Variants in AKIP1 observed in about 807,000 individuals in gnomAD.
AKIP1 encodes the protein A-kinase-interacting protein 1.
A neutral mutation model predicts 22.3 loss-of-function variants in AKIP1; 18 were observed. The observed-to-expected ratio is 0.81, with a 90% confidence interval of 0.56 to 1.19. The LOEUF is 1.19. AKIP1 is among the 50% of genes most tolerant of loss of function. The pLI is 0.00. For missense variants in AKIP1, 287 were observed against 264.6 expected (o/e 1.08, Z -0.59); for synonymous variants, 120 against 102.7 (o/e 1.17, Z -1.02).
At chr11:8,916,342 A>G (rs774610619) in intron 4 of AKIP1, among the ~76,000 whole-genome samples, 1 of 152,222 alleles carries the variant, frequency 6.6e-6, no homozygotes, top group African/African-American at 2.4e-5. Context: ...TGTAAAGGTA[A>G]TAACAGTTAC....
At chr11:8,912,109 A>C (rs902621985) in intron 2 of AKIP1, among the ~76,000 whole-genome samples, 2 of 150,746 alleles carry the variant, frequency 1.3e-5, no homozygotes, top group African/African-American at 4.9e-5. Context: ...AGGCAGGAGA[A>C]TCGCTTGAAC....
In AKIP1 at chr11:8,912,436, G is replaced by C. The variant is rs1229729397; in HGVS notation, c.223-17G>C. The C allele has an allele frequency of 1.2e-6, 2 of 1,603,924 alleles. No individual in the cohort carries two copies. Among genetic ancestry groups the C allele is most frequent in the Non-Finnish European group, 1.7e-6 (2 of 1,170,860 alleles). ...GAATCCTAGAGCTAACCTGTGACGT[G>C]CCATTTATTCAAATAGAGAGAAGAG... On this transcript the variant is annotated splice_polypyrimidine_tract_variant and intron_variant, in intron 2 of 5. Coordinates refer to ENST00000309377, the MANE Select transcript of AKIP1 (RefSeq NM_020642.4).
intron 4 of AKIP1, among the ~76,000 whole-genome samples, chr11:8,915,358 C>CTTTTTTT (rs559350653): frequency 2.4e-5 from 2 of 83,982 alleles, no homozygotes; most frequent in African/African-American, 9.0e-5. Flanking sequence ...TTTTTTTTTT[C>CTTTTTTT]TTTTTTTTTT....
chr11:8,913,684 C>T (rs1481183139), intron 3 of AKIP1, among the ~76,000 whole-genome samples: 2 of 152,182 alleles, frequency 1.3e-5, no homozygotes, highest in Admixed American at 6.5e-5. Flanking sequence ...TGTTTCTGCC[C>T]TGCTTTTCAG....
chr11:8,919,337 G>T lies in AKIP1; in HGVS notation c.490G>T (p.Ala164Ser), dbSNP rs1454186802. 2 of 1,611,588 alleles carry T rather than the reference G, an allele frequency of 1.2e-6. No individual in the cohort carries two copies. Among genetic ancestry groups the T allele is most frequent in the South Asian group, 2.2e-5 (2 of 90,416 alleles). The change falls in exon 6 of 6, where the codon GCT (alanine) becomes TCT (serine). Residue 164 changes from alanine (A) to serine (S), a missense_variant and splice_region_variant. Transcript: ENST00000309377. ...SEHAPEASQP[A>S]ENISKDLYIE... ...TGCTAATATCCTCTTTTCCTTCTAG[G>T]CTGAGAACATCTCTAAGGACCTCTA...
chr11:8,911,690 G>C lies in AKIP1; in HGVS notation c.222+19G>C, dbSNP rs1311321556. 2 of 1,494,358 alleles carry C rather than the reference G, an allele frequency of 1.3e-6. No individual in the cohort carries two copies. Among genetic ancestry groups the C allele is most frequent in the Non-Finnish European group, 1.8e-6 (2 of 1,123,374 alleles). 92.6% of individuals were successfully genotyped at this position (1,494,358 alleles called of 1,614,324 possible). A position where few individuals can be genotyped will look rare whatever the true frequency, so the allele number is the denominator to read the frequency against. On this transcript the variant is annotated intron_variant, in intron 2 of 5. Coordinates refer to ENST00000309377, the MANE Select transcript of AKIP1 (RefSeq NM_020642.4). ...GGGAGAGGTGAGGGTCGCTGTGCCG[G>C]GGGCCGCCCCAGTCCTTCGCGCCGC...
intron 5 of AKIP1, chr11:8,917,633 A>G (rs1372779076): frequency 2.0e-6 from 1 of 508,268 alleles, no homozygotes; most frequent in Non-Finnish European, 3.5e-6. Context: ...TTCACCTCTC[A>G]GTTCCTACAG....
chr11:8,917,207 A>G (rs1351493279), intron 4 of AKIP1, 80 bp from the exon 5 acceptor site: 5 of 900,202 alleles, frequency 5.6e-6, no homozygotes, highest in South Asian at 4.5e-5. Flanking sequence ...ACTAACTCCT[A>G]ATAAGGTAGA....
At chr11:8,914,774 A>G (rs564656115) in intron 3 of AKIP1, 52 bp from the exon 4 acceptor site, 2 of 1,469,086 alleles carry the variant, frequency 1.4e-6, no homozygotes, top group East Asian at 4.5e-5. Flanking sequence ...GGTTTTTTGA[A>G]AATTTGACAA....
rs1392752224 is a variant in AKIP1 at position 8,919,675 on chromosome 11, T to C, written c.*195T>C. On this transcript the variant is annotated 3_prime_UTR_variant, in exon 6 of 6. Coordinates refer to ENST00000309377, the MANE Select transcript of AKIP1 (RefSeq NM_020642.4). The stretch of plus-strand genomic sequence containing the variant: ...TTTTTTTGAGACAGTCTCACTCTGT[T>C]GCCCAGGCTGGAGTGCAGTGGCGTG... 7 of 552,894 alleles carry C rather than the reference T, an allele frequency of 1.3e-5. No homozygotes were observed. The highest frequency in any genetic ancestry group is 1.9e-5 in the African/African-American group (1 of 52,618). The allele number at this position is 552,894 out of a possible 1,614,324, so 34.2% of individuals were successfully genotyped here.
chr11:8,917,580 T>C, intron 5 of AKIP1: 1 of 578,078 alleles, frequency 1.7e-6, no homozygotes, highest in South Asian at 2.3e-5. Flanking sequence ...GGGATACTCT[T>C]TGTGCCTGAA....
At chr11:8,911,723 C>A (rs1167161437) in intron 2 of AKIP1, 52 bp downstream of exon 2, 2 of 1,447,792 alleles carry the variant, frequency 1.4e-6, no homozygotes, top group Non-Finnish European at 9.1e-7. Flanking sequence ...CGCGGTAGCC[C>A]GCTGGGAGCC....
At chr11:8,913,625 A>C (rs10734639) in intron 3 of AKIP1, among the ~76,000 whole-genome samples, 82,913 of 152,026 alleles carry the variant, frequency 0.55, 23,822 homozygotes, top group East Asian at 0.69. Flanking sequence ...GGTGAGTCCT[A>C]CATGGTTTTA....
At position 8,914,847 on chromosome 11, in the gene AKIP1, G is replaced by C. The variant is rs777945419; in HGVS notation, c.325G>C (p.Glu109Gln). 6.2e-7 allele frequency: 1 copy of C among 1,613,722 alleles called. No individual in the cohort carries two copies. The highest frequency in any genetic ancestry group is 8.5e-7 in the Non-Finnish European group (1 of 1,179,682). The change falls in exon 4 of 6, where the codon GAG becomes CAG. Residue 109 changes from glutamate to glutamine, a missense_variant. Glu to Gln is a conservative substitution (Grantham distance 29). Coordinates refer to ENST00000309377, the MANE Select transcript of AKIP1 (RefSeq NM_020642.4). ...CTAGAAATATTATTCATCTGTGCCA[G>C]AGGAAGGAGGGGCAACCCATGTCTA... ...QCGKYYSSVP[E>Q]EGGATHVYRY...
chr11:8,912,998 C>G (rs574188266), intron 3 of AKIP1, among the ~76,000 whole-genome samples: 1 of 149,048 alleles, frequency 6.7e-6, no homozygotes, highest in Non-Finnish European at 1.5e-5. Flanking sequence ...CCTCAGCCTC[C>G]CTAGTAGCTG....
chr11:8,911,600 G>T lies in AKIP1; in HGVS notation c.151G>T (p.Val51Phe), dbSNP rs202156920. The change falls in exon 2 of 6, where the codon GTC becomes TTC. Residue 51 changes from valine to phenylalanine, a missense_variant. Physicochemically the swap from Val to Phe is conservative, Grantham distance 50. Transcript: ENST00000309377. ...GGAGCGTCCCAAAGGCTGCATGGGG[G>T]TCCTTGCCCGGGAGGCGCCCCACCT... ...ALERPKGCMGVLAREAPHLEK... is the reference protein window; with the variant it reads ...ALERPKGCMGFLAREAPHLEK... The T allele has an allele frequency of 1.9e-6, 3 of 1,605,274 alleles. No homozygotes were observed. The highest frequency in any genetic ancestry group is 4.5e-5 in the East Asian group (2 of 44,734).
At position 8,919,291 on chromosome 11, in the gene AKIP1, T is replaced by C. The variant is rs771453123; in HGVS notation, c.490-46T>C. 7.0e-6 allele frequency: 11 copies of C among 1,581,820 alleles called. 1 individual carries two copies. The highest frequency in any genetic ancestry group is 9.5e-6 in the Non-Finnish European group (11 of 1,161,640). ...GCCTGCTGGGGGGCCATGGTGGCAC[T>C]GGGGTATAAAATCTCTAAACTGCTA... On this transcript the variant is annotated intron_variant, in intron 5 of 5. Transcript: ENST00000309377.
chr11:8,917,577 T>C lies in AKIP1; in HGVS notation c.489+210T>C, dbSNP rs1158632103. ...CCTTCACTCTAAGCTTCAGGGATACTCTTTGTGCCTGAACTCATAGTTGTG... is the reference window on the plus strand; with the variant it reads ...CCTTCACTCTAAGCTTCAGGGATACCCTTTGTGCCTGAACTCATAGTTGTG... On this transcript the variant is annotated intron_variant, in intron 5 of 5. Coordinates refer to ENST00000309377, the MANE Select transcript of AKIP1 (RefSeq NM_020642.4). The C allele has an allele frequency of 1.9e-5, 11 of 579,464 alleles. No individual in the cohort carries two copies. In the East Asian group the frequency reaches 3.0e-4, roughly 16 times the overall value. 35.9% of individuals were successfully genotyped at this position (579,464 alleles called of 1,614,324 possible). A position where few individuals can be genotyped will look rare whatever the true frequency, so the allele number is the denominator to read the frequency against.
chr11:8,912,659 T>C, intron 3 of AKIP1, 126 bp downstream of exon 3: 1 of 862,336 alleles, frequency 1.2e-6, no homozygotes. Context: ...GGTCAGATTG[T>C]AATCAGTCAA....
Sources: gnomAD v4.1 joint callset for allele counts (sites outside exome capture counted in the v4.1 genomes callset) on GRCh38, gnomAD v4.1.1 for gene constraint, MANE v1.5 for transcripts, NCBI Gene and HGNC (gene_info 2026-07-23, HGNC 2026-07-21) for gene names.